Variants in KCTD16 observed in about 807,000 individuals in gnomAD.
KCTD16 encodes the protein potassium channel tetramerization domain containing 16, also known as BTB/POZ domain-containing protein KCTD16.
In KCTD16, 13 loss-of-function variants were observed where a neutral mutation model predicts 33.2. The ratio of observed to expected loss-of-function variants is 0.39; its 90% CI spans 0.25 to 0.62. The LOEUF (loss-of-function observed/expected upper bound fraction) is 0.62, where lower values mean the gene tolerates loss of function less well. Ranked by LOEUF, KCTD16 falls within the 20% of genes least tolerant of loss-of-function variation. The probability of loss-of-function intolerance (pLI) is 0.50; values close to 1 mark genes in which losing one functional copy is unlikely to be tolerated. For missense variants in KCTD16, 441 were observed against 525.1 expected, an observed-to-expected ratio of 0.84 and a Z score of 1.57; for synonymous variants, 197 against 195.3, an observed-to-expected ratio of 1.01 and a Z score of -0.07.
intron 2 of KCTD16, among the ~76,000 whole-genome samples, chr5:144,193,632 A>G (rs187636649): frequency 2.0e-5 from 3 of 152,210 alleles, no homozygotes; most frequent in African/African-American, 7.2e-5. Context: ...CTGGCCTATA[A>G]TGGAAGTTCC....
intron 3 of KCTD16, among the ~76,000 whole-genome samples, chr5:144,209,761 T>G (rs1039860151): frequency 6.7e-6 from 1 of 149,296 alleles, no homozygotes; most frequent in Non-Finnish European, 1.5e-5. Context: ...ACAAAGGAAC[T>G]CAACTTCCTC....
intron 3 of KCTD16, among the ~76,000 whole-genome samples, chr5:144,392,503 T>C (rs1372846779): frequency 6.6e-6 from 1 of 152,206 alleles, no homozygotes; most frequent in East Asian, 1.9e-4. Context: ...CTCTGGATGC[T>C]GTGTGACCAG....
At chr5:144,356,175 A>G (rs959138158) in intron 3 of KCTD16, among the ~76,000 whole-genome samples, 2 of 152,160 alleles carry the variant, frequency 1.3e-5, no homozygotes, top group African/African-American at 2.4e-5. Flanking sequence ...TGAAATATAC[A>G]TGCCTGGCTA....
At chr5:144,217,232 A>G (rs1753592202) in intron 3 of KCTD16, among the ~76,000 whole-genome samples, 1 of 152,200 alleles carries the variant, frequency 6.6e-6, no homozygotes, top group Non-Finnish European at 1.5e-5. Context: ...ACATCAGTTA[A>G]AGACATTTTC....
At chr5:144,248,354 C>T (rs1032695970) in intron 3 of KCTD16, among the ~76,000 whole-genome samples, 3 of 152,138 alleles carry the variant, frequency 2.0e-5, no homozygotes, top group African/African-American at 7.2e-5. Flanking sequence ...TGAGCTGGCT[C>T]ATGGGCATGA....
chr5:144,250,834 ATATGTAT>A (rs1017122399), intron 3 of KCTD16, among the ~76,000 whole-genome samples: 18 of 152,166 alleles, frequency 1.2e-4, no homozygotes, highest in Admixed American at 1.1e-3. Flanking sequence ...AACAATATCT[ATATGTAT>A]TATTATGCAT....
At chr5:144,407,747 A>G (rs991565683) in intron 3 of KCTD16, among the ~76,000 whole-genome samples, 1 of 151,680 alleles carries the variant, frequency 6.6e-6, no homozygotes, top group Admixed American at 6.6e-5. Context: ...CCCTGTGTCC[A>G]TGTGTTCTCT....
At chr5:144,461,813 A>G (rs1754201990) in intron 3 of KCTD16, among the ~76,000 whole-genome samples, 1 of 152,220 alleles carries the variant, frequency 6.6e-6, no homozygotes, top group South Asian at 2.1e-4. Flanking sequence ...ACCCCCGGCT[A>G]CGGAACACAC....
At chr5:144,385,773 C>T (rs567298227) in intron 3 of KCTD16, among the ~76,000 whole-genome samples, 1 of 152,228 alleles carries the variant, frequency 6.6e-6, no homozygotes, top group Non-Finnish European at 1.5e-5. Flanking sequence ...ATGTTGGTCC[C>T]ATTCAAATCA....
chr5:144,296,884 A>G (rs1756052586), intron 3 of KCTD16, among the ~76,000 whole-genome samples: 1 of 152,236 alleles, frequency 6.6e-6, no homozygotes, highest in Admixed American at 6.5e-5. Flanking sequence ...TGGATAACTT[A>G]GAAGAAAATC....
rs1370648106 is a variant in KCTD16, at chr5:144,328,344, CT to C, written c.832+120799del. On this transcript the variant is annotated intron_variant, in intron 3 of 3. Transcript: ENST00000512467. ...TTCACTAGGCAATTACATAAATCTC[CT>C]CATTAATCTTATTTAGAGGCCGAGG... Among the ~76,000 whole-genome samples, 4 of 151,946 alleles carry C rather than the reference CT, an allele frequency of 2.6e-5. No individual in the cohort carries two copies. The East Asian group carries it at 7.7e-4, about 29-fold the overall frequency.
At chr5:144,256,637 A>G (rs1210466594) in intron 3 of KCTD16, among the ~76,000 whole-genome samples, 24 of 149,806 alleles carry the variant, frequency 1.6e-4, no homozygotes, top group Admixed American at 1.3e-3. Context: ...TTTTAATGTT[A>G]CAGTCTGCCT....
intron 3 of KCTD16, among the ~76,000 whole-genome samples, chr5:144,342,673 G>A (rs1561574011): frequency 6.6e-6 from 1 of 152,146 alleles, no homozygotes; most frequent in Non-Finnish European, 1.5e-5. Context: ...CAAAGGGAAT[G>A]TTTCCAGTTT....
intron 3 of KCTD16, among the ~76,000 whole-genome samples, chr5:144,388,074 T>TTTTTTTTTG (rs1561589206): frequency 4.7e-4 from 56 of 120,126 alleles, no homozygotes; most frequent in African/African-American, 9.0e-4. Flanking sequence ...AGTTTTTTTT[T>TTTTTTTTTG]TTTTTTTTTT....
intron 3 of KCTD16, among the ~76,000 whole-genome samples, chr5:144,381,555 G>T (rs1752215747): frequency 3.9e-5 from 6 of 152,296 alleles, no homozygotes; most frequent in Admixed American, 3.3e-4. Context: ...CAAAGGGGGA[G>T]TAGGCATGTC....
At position 144,302,151 on chromosome 5, in the gene KCTD16, C is replaced by A. The variant is rs370194582; in HGVS notation, c.832+94605C>A. On this transcript the variant is annotated intron_variant, in intron 3 of 3. Transcript: ENST00000512467. ...AGAGCTTCAAACCCAGCTTTTCTGACCCCAGAGCACATTCATAGGTGATCA... is the reference window on the plus strand; with the variant it reads ...AGAGCTTCAAACCCAGCTTTTCTGAACCCAGAGCACATTCATAGGTGATCA... Among the ~76,000 whole-genome samples the A allele has an allele frequency of 8.5e-5, 13 of 152,226 alleles. No homozygotes were observed. In the East Asian group the frequency reaches 2.3e-3, roughly 27 times the overall value.
intron 3 of KCTD16, among the ~76,000 whole-genome samples, chr5:144,258,378 A>C (rs1300710079): frequency 6.6e-6 from 1 of 152,166 alleles, no homozygotes; most frequent in East Asian, 1.9e-4. Context: ...ATTATTTATC[A>C]TGGTATTCAA....
In KCTD16 at chr5:144,206,701, A is replaced by G; in HGVS notation, c.-14A>G. On this transcript the variant is annotated 5_prime_UTR_variant, in exon 3 of 4. Transcript: ENST00000512467. Reference sequence around the variant, plus strand: ...ACCTTTAAATCAAAATAGCAGCAGCAGAAGAAAGGGACAATGGCTCTGAGT... The same window carrying G: ...ACCTTTAAATCAAAATAGCAGCAGCGGAAGAAAGGGACAATGGCTCTGAGT... 6.3e-7 allele frequency: 1 copy of G among 1,596,208 alleles called. No individual in the cohort carries two copies. Among genetic ancestry groups the G allele is most frequent in the Non-Finnish European group, 8.6e-7 (1 of 1,168,504 alleles).
intron 3 of KCTD16, among the ~76,000 whole-genome samples, chr5:144,255,391 G>A (rs181039241): frequency 2.0e-5 from 3 of 151,976 alleles, no homozygotes; most frequent in African/African-American, 7.3e-5. Flanking sequence ...CTTTATTTAA[G>A]TTTTAGGGGA....
Sources: allele counts gnomAD v4.1 joint callset (sites outside exome capture counted in the v4.1 genomes callset), GRCh38; gene constraint gnomAD v4.1.1; transcripts MANE v1.5; gene names NCBI Gene and HGNC (gene_info 2026-07-23, HGNC 2026-07-21).